Variants in MAP2K4 observed in about 807,000 individuals in gnomAD.
The protein encoded by MAP2K4 is mitogen-activated protein kinase kinase 4, also known as dual specificity mitogen-activated protein kinase kinase 4.
In MAP2K4, 4 loss-of-function variants were observed where a neutral mutation model predicts 48.5. That is an observed-to-expected ratio of 0.08 (90% CI 0.04 to 0.19). The LOEUF (loss-of-function observed/expected upper bound fraction) is 0.19, where lower values mean the gene tolerates loss of function less well. MAP2K4 is among the 10% of genes least tolerant of loss of function. The pLI, the probability that MAP2K4 is intolerant of heterozygous loss-of-function variation, is 1.00. For synonymous variants in MAP2K4, 166 were observed against 173.1 expected (o/e 0.96, Z 0.32); for missense variants, 258 against 493.3 (o/e 0.52, Z 4.52).
At chr17:12,086,606 A>AT (rs1971371516) in intron 3 of MAP2K4, among the ~76,000 whole-genome samples, 1 of 152,194 alleles carries the variant, frequency 6.6e-6, no homozygotes, top group South Asian at 2.1e-4. Context: ...CTGCAGCCAT[A>AT]TTGGAAGCCC....
intron 2 of MAP2K4, among the ~76,000 whole-genome samples, chr17:12,080,011 A>G (rs1221158202): frequency 6.6e-6 from 1 of 152,230 alleles, no homozygotes; most frequent in Non-Finnish European, 1.5e-5. Flanking sequence ...ATCACTTAGT[A>G]TGATTTGAAA....
At chr17:12,086,883 G>A (rs552305774) in intron 3 of MAP2K4, among the ~76,000 whole-genome samples, 11 of 152,120 alleles carry the variant, frequency 7.2e-5, no homozygotes, top group African/African-American at 2.7e-4. Context: ...GTTTCACTGC[G>A]TCGCCCAGGC....
At chr17:12,065,688 G>A (rs1938057247) in intron 2 of MAP2K4, among the ~76,000 whole-genome samples, 1 of 152,160 alleles carries the variant, frequency 6.6e-6, no homozygotes, top group African/African-American at 2.4e-5. Flanking sequence ...TGTCTGACTC[G>A]CCTCCCACAG....
intron 1 of MAP2K4, among the ~76,000 whole-genome samples, chr17:12,033,965 T>A (rs928734243): frequency 1.3e-5 from 2 of 152,044 alleles, no homozygotes; most frequent in Non-Finnish European, 2.9e-5. Flanking sequence ...CATTTTAAAA[T>A]TTTTTTGTAG....
Position 12,110,474 on chromosome 17 carries a change from C to G in MAP2K4, c.685+48C>G. On this transcript the variant is annotated intron_variant, in intron 6 of 10. Transcript: ENST00000353533. Reference sequence around the variant, plus strand: ...TGTAATAGAAATTAACTTTTTTCTCCTAATTGGTGAAACGGTTATTGAAAA... The same window carrying G: ...TGTAATAGAAATTAACTTTTTTCTCGTAATTGGTGAAACGGTTATTGAAAA... The G allele has an allele frequency of 3.9e-6, 5 of 1,286,536 alleles. No individual in the cohort carries two copies. The South Asian group carries it at 6.2e-5, about 16-fold the overall frequency. 79.7% of individuals were successfully genotyped at this position (1,286,536 alleles called of 1,614,324 possible). A position where few individuals can be genotyped will look rare whatever the true frequency, so the allele number is the denominator to read the frequency against.
intron 2 of MAP2K4, among the ~76,000 whole-genome samples, chr17:12,061,898 T>G (rs547328640): frequency 3.4e-4 from 52 of 152,024 alleles, no homozygotes; most frequent in African/African-American, 1.1e-3. Context: ...TTCAGTGTGT[T>G]TTTTTTTAAA....
At chr17:12,086,826 TTTTTG>T (rs61021597) in intron 3 of MAP2K4, among the ~76,000 whole-genome samples, 68,194 of 149,952 alleles carry the variant, frequency 0.45, 16,392 homozygotes, top group East Asian at 0.55. Flanking sequence ...AAAAACCTGT[TTTTTG>T]TTTTGTTTTG....
intron 4 of MAP2K4, among the ~76,000 whole-genome samples, chr17:12,104,847 GA>G (rs1567662309): frequency 6.6e-6 from 1 of 152,012 alleles, no homozygotes; most frequent in South Asian, 2.1e-4. Context: ...AGAACTCTTA[GA>G]AAAAAAGTTT....
At chr17:12,027,584 G>A (rs1969297119) in intron 1 of MAP2K4, among the ~76,000 whole-genome samples, 1 of 152,136 alleles carries the variant, frequency 6.6e-6, no homozygotes, top group Non-Finnish European at 1.5e-5. Flanking sequence ...ATATATGTCA[G>A]ATGTATATAT....
chr17:12,079,053 C>T (rs1171661595), intron 2 of MAP2K4, among the ~76,000 whole-genome samples: 1 of 152,226 alleles, frequency 6.6e-6, no homozygotes, highest in Non-Finnish European at 1.5e-5. Context: ...GTAGGAATCA[C>T]ATTCTCCTCT....
At chr17:12,083,531 G>C (rs1971260031) in intron 3 of MAP2K4, among the ~76,000 whole-genome samples, 1 of 152,190 alleles carries the variant, frequency 6.6e-6, no homozygotes, top group African/African-American at 2.4e-5. Context: ...TCTTGAACAA[G>C]CATAGCAGTT....
intron 4 of MAP2K4, among the ~76,000 whole-genome samples, chr17:12,099,814 A>T (rs906027678): frequency 2.0e-5 from 3 of 152,288 alleles, no homozygotes; most frequent in African/African-American, 7.2e-5. Flanking sequence ...TCACTTAAAA[A>T]TTTTTCTAAT....
chr17:12,114,163 A>T (rs1418477306), intron 7 of MAP2K4, among the ~76,000 whole-genome samples: 1 of 152,180 alleles, frequency 6.6e-6, no homozygotes, highest in Non-Finnish European at 1.5e-5. Context: ...ATTGAATAAA[A>T]TTGTTCTTTC....
intron 9 of MAP2K4, among the ~76,000 whole-genome samples, chr17:12,131,466 C>T (rs1291283182): frequency 2.6e-5 from 4 of 151,718 alleles, no homozygotes; most frequent in Non-Finnish European, 4.4e-5. Flanking sequence ...AGGCTGATCT[C>T]GAACTTCTGA....
intron 3 of MAP2K4, among the ~76,000 whole-genome samples, chr17:12,090,351 C>G (rs1481102700): frequency 1.3e-5 from 2 of 152,126 alleles, no homozygotes; most frequent in African/African-American, 4.8e-5. Context: ...GCTGACCTCT[C>G]TAGTAACTGA....
rs1245584931 is a variant in MAP2K4, at chr17:12,083,899, C to T, written c.393+2369C>T. Among the ~76,000 whole-genome samples the T allele has an allele frequency of 4.6e-5, 7 of 152,286 alleles. No individual in the cohort carries two copies. The East Asian group carries it at 1.2e-3, about 25-fold the overall frequency. ...AACCATGAGACGGTGGTTCACACAG[C>T]TGAGAGCTTTCCATTGCTGTTGGTG... is the stretch of plus-strand genomic sequence containing the variant. On this transcript the variant is annotated intron_variant, in intron 3 of 10. Transcript: ENST00000353533.
chr17:12,074,710 A>G (rs1024321529), intron 2 of MAP2K4, among the ~76,000 whole-genome samples: 6 of 152,146 alleles, frequency 3.9e-5, no homozygotes, highest in Admixed American at 3.9e-4. Flanking sequence ...GTACTCTGCC[A>G]TGTGAACTTT....
intron 3 of MAP2K4, among the ~76,000 whole-genome samples, chr17:12,084,048 G>A (rs1272913247): frequency 6.6e-6 from 1 of 152,198 alleles, no homozygotes; most frequent in Non-Finnish European, 1.5e-5. Context: ...TGCAATATCT[G>A]TAGAAAAGTG....
intron 2 of MAP2K4, among the ~76,000 whole-genome samples, chr17:12,065,258 A>ATATTATTATTATTATTATTATTAT (rs147921985): frequency 7.3e-6 from 1 of 136,222 alleles, no homozygotes; most frequent in Non-Finnish European, 1.5e-5. Context: ...ATATATACAT[A>ATATTATTATTATTATTATTATTAT]TATTATTATT....
Sources: allele counts gnomAD v4.1 joint callset (sites outside exome capture counted in the v4.1 genomes callset), GRCh38; gene constraint gnomAD v4.1.1; transcripts MANE v1.5; gene names NCBI Gene and HGNC (gene_info 2026-07-23, HGNC 2026-07-21).